Variants in WSCD1 observed in about 807,000 individuals in gnomAD.
WSCD1 encodes sialate:O-sulfotransferase 1.
Under a neutral mutation model 60.4 loss-of-function variants are expected in WSCD1, and 41 were observed. That is an observed-to-expected ratio of 0.68 (90% CI 0.53 to 0.88). The LOEUF (loss-of-function observed/expected upper bound fraction) is 0.88, where lower values mean the gene tolerates loss of function less well. WSCD1 is among the 40% of genes least tolerant of loss of function. The pLI, the probability that WSCD1 is intolerant of heterozygous loss-of-function variation, is 0.00. For synonymous variants in WSCD1, 361 were observed against 332.5 expected (o/e 1.09, Z -0.93); for missense variants, 784 against 796.2 (o/e 0.98, Z 0.18).
intron 1 of WSCD1, among the ~76,000 whole-genome samples, chr17:6,079,319 C>CT (rs961364773): frequency 7.9e-5 from 12 of 152,168 alleles, no homozygotes; most frequent in African/African-American, 1.9e-4. Flanking sequence ...TTCTAGGGGC[C>CT]TTTTTTTCTG....
At chr17:6,087,948 AT>A (rs752775233) in intron 2 of WSCD1, 41 bp from the exon 3 acceptor site, 2 of 1,535,836 alleles carry the variant, frequency 1.3e-6, no homozygotes, top group East Asian at 2.3e-5. Flanking sequence ...TGGGCCCATG[AT>A]TCCTGGGCCT....
At position 6,075,739 on chromosome 17, in the gene WSCD1, C is replaced by G. The variant is rs1908811579; in HGVS notation, c.-288-4632C>G. Among the ~76,000 whole-genome samples, 1 of 152,126 alleles carries G rather than the reference C, an allele frequency of 6.6e-6. No homozygotes were observed. The highest frequency in any genetic ancestry group is 2.1e-4 in the South Asian group (1 of 4,830). Reference sequence around the variant, plus strand: ...ACCTTTGTCCAGCCCTGGCGTGCCCCCTCTACCCCCAATAAGGCCAAGCCC... The same window carrying G: ...ACCTTTGTCCAGCCCTGGCGTGCCCGCTCTACCCCCAATAAGGCCAAGCCC... On this transcript the variant is annotated intron_variant, in intron 1 of 8. Transcript: ENST00000317744. This position sits in a 1 kb window ranked among gnomAD's most constrained non-coding sequence, Gnocchi z 4.1.
intron 3 of WSCD1, among the ~76,000 whole-genome samples, chr17:6,088,546 A>G (rs1290158464): frequency 6.6e-6 from 1 of 152,244 alleles, no homozygotes; most frequent in Non-Finnish European, 1.5e-5. Flanking sequence ...CAGCTCTGGT[A>G]GGAAAAGTAT....
rs1293332440 is a variant in WSCD1, at chr17:6,075,622, C to T, written c.-288-4749C>T. Among the ~76,000 whole-genome samples, 2 of 152,184 alleles carry T rather than the reference C, an allele frequency of 1.3e-5. No homozygotes were observed. Among genetic ancestry groups the T allele is most frequent in the African/African-American group, 2.4e-5 (1 of 41,452 alleles). On this transcript the variant is annotated intron_variant, in intron 1 of 8. Transcript: ENST00000317744. This position sits in a 1 kb window ranked among gnomAD's most constrained non-coding sequence, Gnocchi z 4.1. ...TTCCAGAAGCCCATTTGTTCTGTTA[C>T]TCTCTTCTCATGCTTGACAGGGAAC...
rs1456634464 is a variant in WSCD1, at chr17:6,075,728, C to G, written c.-288-4643C>G. Among the ~76,000 whole-genome samples, 1 of 152,168 alleles carries G rather than the reference C, an allele frequency of 6.6e-6. No homozygotes were observed. Among genetic ancestry groups the G allele is most frequent in the African/African-American group, 2.4e-5 (1 of 41,430 alleles). On this transcript the variant is annotated intron_variant, in intron 1 of 8. Coordinates refer to ENST00000317744, the MANE Select transcript of WSCD1 (RefSeq NM_015253.2). The surrounding 1 kb of genome is among the most constrained non-coding windows in gnomAD (Gnocchi z 4.1). ...AGTGGGTGTGCACCTTTGTCCAGCC[C>G]TGGCGTGCCCCCTCTACCCCCAATA...
chr17:6,110,923 C>T lies in WSCD1; in HGVS notation c.1162C>T (p.Leu388Phe). 1 of 1,601,630 alleles carries T rather than the reference C, an allele frequency of 6.2e-7. No individual in the cohort carries two copies. The highest frequency in any genetic ancestry group is 8.5e-7 in the Non-Finnish European group (1 of 1,170,642). ...YTGSYYFDGT[L>F]YNKGFKGEKD... is the part of the protein sequence containing the mutation. The stretch of plus-strand genomic sequence containing the variant: ...AGGGAGCTACTACTTTGATGGAACC[C>T]TCTACAACAAAGGTAAGTCAAAGCT... Residue 388 changes from leucine (L) to phenylalanine (F), a missense_variant, in exon 7 of 9, where the codon CTC becomes TTC. Leu to Phe is a conservative substitution (Grantham distance 22). Transcript: ENST00000317744. This position sits in a 1 kb window ranked among gnomAD's most constrained non-coding sequence, Gnocchi z 4.8.
chr17:6,073,012 C>T (rs576526690), intron 1 of WSCD1, among the ~76,000 whole-genome samples: 10 of 152,192 alleles, frequency 6.6e-5, no homozygotes, highest in African/African-American at 1.7e-4. Context: ...CCTTTGCTGC[C>T]GGAAGCCCCT....
intron 4 of WSCD1, 138 bp from the exon 5 acceptor site, chr17:6,094,964 G>A (rs1051152819): frequency 2.2e-5 from 30 of 1,360,882 alleles, no homozygotes; most frequent in Middle Eastern, 2.6e-4. Flanking sequence ...ATGCAGGGCC[G>A]TTTTCCCTCC....
In WSCD1 at chr17:6,120,349, C is replaced by G; in HGVS notation, c.1416C>G (p.Ser472=). Residue 472 remains serine, a synonymous_variant, in exon 9 of 9, where the codon TCC becomes TCG. Transcript: ENST00000317744. ...DFVNSYASWW[S]SHVLDWLKYG... is the part of the protein sequence containing the mutation. Reference sequence around the variant, plus strand: ...TCAACAGCTACGCCTCGTGGTGGTCCTCGCACGTCCTGGACTGGCTCAAGT... The same window carrying G: ...TCAACAGCTACGCCTCGTGGTGGTCGTCGCACGTCCTGGACTGGCTCAAGT... The G allele has an allele frequency of 6.2e-7, 1 of 1,614,072 alleles. No individual in the cohort carries two copies. The highest frequency in any genetic ancestry group is 8.5e-7 in the Non-Finnish European group (1 of 1,179,996).
chr17:6,120,832 A>G lies in WSCD1; in HGVS notation c.*171A>G. On this transcript the variant is annotated 3_prime_UTR_variant, in exon 9 of 9. Coordinates refer to ENST00000317744, the MANE Select transcript of WSCD1 (RefSeq NM_015253.2). ...GACCTGGACACAACAGACACACATC[A>G]CAAGGCGAACACAAATGGACACACA... 1 of 673,034 alleles carries G rather than the reference A, an allele frequency of 1.5e-6. No individual in the cohort carries two copies. The highest frequency in any genetic ancestry group is 2.0e-5 in the South Asian group (1 of 50,918). The allele number at this position is 673,034 out of a possible 1,614,324, so 41.7% of individuals were successfully genotyped here.
Position 6,083,693 on chromosome 17 carries a change from C to T in WSCD1, c.427+2608C>T, listed in dbSNP as rs567328843. On this transcript the variant is annotated intron_variant, in intron 2 of 8. Transcript: ENST00000317744. ...ACTTGGGAGGCTGAGGCAGGAGAAT[C>T]GCTTGAACCCAGGAGGCAGAGGTTG... Among the ~76,000 whole-genome samples the T allele has an allele frequency of 3.0e-3, 459 of 152,244 alleles. 3 individuals carry two copies. The highest frequency in any genetic ancestry group is 0.011 in the African/African-American group (440 of 41,550).
intron 7 of WSCD1, among the ~76,000 whole-genome samples, chr17:6,113,008 A>G (rs991712331): frequency 2.6e-5 from 4 of 152,210 alleles, no homozygotes; most frequent in African/African-American, 7.2e-5. Flanking sequence ...GAGCAAAAAG[A>G]ACAAAGCTGG....
At position 6,101,976 on chromosome 17, in the gene WSCD1, C is replaced by A. The variant is rs1270452158; in HGVS notation, c.849+6753C>A. The stretch of plus-strand genomic sequence containing the variant: ...GTGAGACACTCCACCGGCGATTATA[C>A]CTTGTGATGTGAGGTTTGTTCTCCC... On this transcript the variant is annotated intron_variant, in intron 5 of 8. Coordinates refer to ENST00000317744, the MANE Select transcript of WSCD1 (RefSeq NM_015253.2). This position sits in a 1 kb window ranked among gnomAD's most constrained non-coding sequence, Gnocchi z 4.1. Among the ~76,000 whole-genome samples, 3 of 152,120 alleles carry A rather than the reference C, an allele frequency of 2.0e-5. No homozygotes were observed. In the East Asian group the frequency reaches 5.8e-4, roughly 29 times the overall value.
intron 3 of WSCD1, among the ~76,000 whole-genome samples, chr17:6,089,794 C>G (rs1309150715): frequency 6.6e-6 from 1 of 152,208 alleles, no homozygotes; most frequent in Non-Finnish European, 1.5e-5. Flanking sequence ...CCACGGCACT[C>G]TGCAGGGCAG....
At chr17:6,106,037 C>T (rs1911068999) in intron 5 of WSCD1, among the ~76,000 whole-genome samples, 1 of 152,222 alleles carries the variant, frequency 6.6e-6, no homozygotes, top group African/African-American at 2.4e-5. Context: ...CATTCATTCA[C>T]TCATTCATTC....
chr17:6,109,676 C>A lies in WSCD1; in HGVS notation c.919C>A (p.Arg307=). The change falls in exon 6 of 9, where the codon CGG becomes AGG. Residue 307 remains arginine, a synonymous_variant. Transcript: ENST00000317744. The part of the protein sequence containing the change: ...CAYPTPRFNL[R]DAMDSSVCGQ... ...TTACCCTACCCCCCGGTTCAACCTG[C>A]GGGATGCCATGGACAGCTCAGTATG... The A allele has an allele frequency of 6.2e-7, 1 of 1,614,144 alleles. No homozygotes were observed.
chr17:6,117,953 A>G lies in WSCD1; in HGVS notation c.1175-35A>G, dbSNP rs751117271. 7 of 1,610,022 alleles carry G rather than the reference A, an allele frequency of 4.3e-6. No individual in the cohort carries two copies. In the East Asian group the frequency reaches 8.9e-5, roughly 21 times the overall value. ...TATGGTAGGGTGCCCCATGGACACC[A>G]TCTTCCACAGAGACCCTCTCATTTT... On this transcript the variant is annotated intron_variant, in intron 7 of 8. Transcript: ENST00000317744.
upstream of WSCD1, among the ~76,000 whole-genome samples, chr17:6,069,893 T>G (rs1301869844): frequency 2.0e-5 from 3 of 151,600 alleles, no homozygotes; most frequent in African/African-American, 7.3e-5. Flanking sequence ...TGGCCCAGTC[T>G]GCTTCTGGGT....
Position 6,090,324 on chromosome 17 carries a change from C to G in WSCD1, c.546C>G (p.Ser182=). Residue 182 remains serine, a synonymous_variant, in exon 4 of 9, where the codon TCC becomes TCG. Transcript: ENST00000317744. ...CACCCAGGCCTCCTCCCTGCAGGTC[C>G]TATGTCTACGCCGGCTTGGAGGCCG... The part of the protein sequence containing the change: ...SHCQDACAER[S]YVYAGLEAGA... The G allele has an allele frequency of 6.3e-7, 1 of 1,594,396 alleles. No individual in the cohort carries two copies. The highest frequency in any genetic ancestry group is 8.5e-7 in the Non-Finnish European group (1 of 1,171,626).
Sources: allele counts gnomAD v4.1 joint callset (sites outside exome capture counted in the v4.1 genomes callset), GRCh38; gene constraint gnomAD v4.1.1; non-coding constraint Gnocchi (gnomAD v3.1); transcripts MANE v1.5; gene names NCBI Gene and HGNC (gene_info 2026-07-23, HGNC 2026-07-21).